PDE1C: variants seen among roughly 807,000 people sequenced by gnomAD.
The protein encoded by PDE1C is dual specificity calcium/calmodulin-dependent 3',5'-cyclic nucleotide phosphodiesterase 1C.
A neutral mutation model predicts 93.1 loss-of-function variants in PDE1C; 62 were observed. The ratio of observed to expected loss-of-function variants is 0.67; its 90% CI spans 0.54 to 0.82. The LOEUF (loss-of-function observed/expected upper bound fraction) is 0.82. Among genes scored for constraint, PDE1C ranks in the 40% least tolerant of loss-of-function variants. The pLI is 0.00. For synonymous variants in PDE1C, 325 were observed against 310.1 expected (o/e 1.05, Z -0.50); for missense variants, 742 against 884.6 (o/e 0.84, Z 2.04).
At chr7:31,639,118 G>A in the PDE1C span, among the ~76,000 whole-genome samples, 1 of 152,044 alleles carries the variant, frequency 6.6e-6, no homozygotes, top group Non-Finnish European at 1.5e-5. Flanking sequence ...TTTTCTTCAT[G>A]TTTCTGGTGC....
the PDE1C span, among the ~76,000 whole-genome samples, chr7:31,691,988 C>G: frequency 6.6e-6 from 1 of 152,170 alleles, no homozygotes; most frequent in Admixed American, 6.5e-5. Flanking sequence ...TTCTGAGCCT[C>G]TGTCTCCTCA....
At chr7:32,047,962 A>T (rs931427017) in intron 2 of PDE1C, among the ~76,000 whole-genome samples, 5 of 152,262 alleles carry the variant, frequency 3.3e-5, no homozygotes, top group Admixed American at 6.5e-5. Context: ...CTCACCAGTT[A>T]AGTCCACATT....
chr7:32,147,270 AAAAAAG>A (rs571308663), intron 3 of PDE1C, among the ~76,000 whole-genome samples: 5,528 of 57,848 alleles, frequency 0.096, 462 homozygotes, highest in Middle Eastern at 0.2. Flanking sequence ...GAAAGAAAGA[AAAAAAG>A]AAAGAAAGAA....
intron 3 of PDE1C, among the ~76,000 whole-genome samples, chr7:32,087,301 A>G (rs1797155617): frequency 6.6e-6 from 1 of 151,684 alleles, no homozygotes; most frequent in Admixed American, 6.6e-5. Context: ...CCACAATGAG[A>G]TACCATCTCA....
chr7:32,242,899 G>C (rs1287234327), intron 1 of PDE1C, among the ~76,000 whole-genome samples: 2 of 152,192 alleles, frequency 1.3e-5, no homozygotes, highest in African/African-American at 4.8e-5. Context: ...GAGAGAATGA[G>C]AGCTGTACAA....
the PDE1C span, among the ~76,000 whole-genome samples, chr7:31,661,281 G>T: frequency 6.6e-6 from 1 of 152,094 alleles, no homozygotes. Context: ...TAGGATGCAT[G>T]ATATCATTAT....
In PDE1C at chr7:32,298,598, C is replaced by A. The variant is rs1006727236; in HGVS notation, c.85+53G>T. On this transcript the variant is annotated intron_variant, in intron 1 of 18. Coordinates refer to the PDE1C transcript ENST00000396193. Reference sequence around the variant, plus strand: ...CTTAGAAAGGAACTCTGACCGCCACCGGAGAGGGCGTTTGCCCGAGCCAGG... The same window carrying A: ...CTTAGAAAGGAACTCTGACCGCCACAGGAGAGGGCGTTTGCCCGAGCCAGG... 10 of 1,551,916 alleles carry A rather than the reference C, an allele frequency of 6.4e-6. No homozygotes were observed. The African/African-American group carries it at 1.4e-4, about 21-fold the overall frequency.
intron 2 of PDE1C, among the ~76,000 whole-genome samples, chr7:32,176,869 A>AGT (rs1803029132): frequency 1.3e-5 from 2 of 152,220 alleles, no homozygotes; most frequent in Non-Finnish European, 2.9e-5. Flanking sequence ...AGGAGACAGA[A>AGT]AATACAAACA....
intron 2 of PDE1C, among the ~76,000 whole-genome samples, chr7:32,011,571 T>G (rs1266975258): frequency 6.6e-6 from 1 of 152,160 alleles, no homozygotes; most frequent in Admixed American, 6.5e-5. Flanking sequence ...AGTAAGCACA[T>G]GGAAATACCC....
At chr7:32,122,718 T>G (rs1247981928) in intron 3 of PDE1C, among the ~76,000 whole-genome samples, 1 of 152,048 alleles carries the variant, frequency 6.6e-6, no homozygotes, top group Non-Finnish European at 1.5e-5. Context: ...TAAAGCAGGG[T>G]TAAGAGGGAA....
At chr7:31,672,848 G>A in the PDE1C span, among the ~76,000 whole-genome samples, 1 of 152,136 alleles carries the variant, frequency 6.6e-6, no homozygotes, top group Non-Finnish European at 1.5e-5. Flanking sequence ...ATGTGTCGAT[G>A]GAGAGACCTG....
rs550351909 is a variant in PDE1C at position 31,752,538 on chromosome 7, T to A, written c.*846A>T. On this transcript the variant is annotated 3_prime_UTR_variant, in exon 18 of 18. Transcript: ENST00000396191. ...CTAGGCTCAGAATTTTACACCCTCTTGGCCTAGGACCACAAAATCAAACTG... is the reference window on the plus strand; with the variant it reads ...CTAGGCTCAGAATTTTACACCCTCTAGGCCTAGGACCACAAAATCAAACTG... The A allele has an allele frequency of 6.6e-6, 1 of 152,134 alleles. No homozygotes were observed. Among genetic ancestry groups the A allele is most frequent in the South Asian group, 2.1e-4 (1 of 4,830 alleles). The allele number at this position is 152,134 out of a possible 1,614,324, so 9.4% of individuals were successfully genotyped here. A position where few individuals can be genotyped will look rare whatever the true frequency, so the allele number is the denominator to read the frequency against.
At chr7:31,877,576 T>C (rs961222853) in intron 5 of PDE1C, among the ~76,000 whole-genome samples, 1 of 151,516 alleles carries the variant, frequency 6.6e-6, no homozygotes, top group African/African-American at 2.4e-5. Context: ...TCTTCATCTA[T>C]AAAATGGACT....
At chr7:32,307,723 G>A (rs215614) in intron 1 of PDE1C, among the ~76,000 whole-genome samples, 94,491 of 152,026 alleles carry the variant, frequency 0.62, 29,801 homozygotes, top group Admixed American at 0.72. Flanking sequence ...CCACTGTGAT[G>A]TAAATTTTAT....
chr7:31,832,477 T>C (rs188589622), intron 11 of PDE1C, among the ~76,000 whole-genome samples: 32 of 152,344 alleles, frequency 2.1e-4, no homozygotes, highest in Non-Finnish European at 4.0e-4. Context: ...ACTGAGACTA[T>C]GCCCTTATTT....
intron 1 of PDE1C, among the ~76,000 whole-genome samples, chr7:32,227,926 T>C (rs1807412910): frequency 6.6e-6 from 1 of 152,140 alleles, no homozygotes; most frequent in South Asian, 2.1e-4. Flanking sequence ...AATTTGCCCA[T>C]CATTTGAATA....
intron 1 of PDE1C, among the ~76,000 whole-genome samples, chr7:32,404,642 T>C (rs1311659989): frequency 6.6e-6 from 1 of 152,164 alleles, no homozygotes; most frequent in Admixed American, 6.5e-5. Flanking sequence ...AGCCTAGTTA[T>C]TTTTCAATAG....
At chr7:32,395,259 A>T (rs1008648634) in intron 1 of PDE1C, among the ~76,000 whole-genome samples, 3 of 152,224 alleles carry the variant, frequency 2.0e-5, no homozygotes, top group Admixed American at 6.5e-5. Context: ...CAATGTCATA[A>T]GTGCAGCAGT....
At chr7:32,186,151 G>A (rs1263840895) in intron 2 of PDE1C, among the ~76,000 whole-genome samples, 1 of 143,708 alleles carries the variant, frequency 7.0e-6, no homozygotes, top group Non-Finnish European at 1.5e-5. Flanking sequence ...GCCCGACTGC[G>A]GACTGCAGTG....
Sources: gnomAD v4.1 joint callset for allele counts (sites outside exome capture counted in the v4.1 genomes callset) on GRCh38, gnomAD v4.1.1 for gene constraint, MANE v1.5 for transcripts, NCBI Gene and HGNC (gene_info 2026-07-23, HGNC 2026-07-21) for gene names.